The following CAMTA1 variants were observed in gnomAD, a reference collection of about 807,000 sequenced individuals.
The protein encoded by CAMTA1 is calmodulin binding transcription activator 1.
In CAMTA1, 27 loss-of-function variants were observed where a neutral mutation model predicts 170.9. The ratio of observed to expected loss-of-function variants is 0.16; its 90% confidence interval spans 0.12 to 0.22. The LOEUF is 0.22. Ranked by LOEUF, CAMTA1 falls within the 10% of genes least tolerant of loss-of-function variation. The pLI is 1.00. For missense variants in CAMTA1, 1,619 were observed against 2,217.2 expected (o/e 0.73, Z 5.42); for synonymous variants, 833 against 891.5 (o/e 0.93, Z 1.17).
At chr1:7,743,117 G>A (rs2096830328) in intron 16 of CAMTA1, among the ~76,000 whole-genome samples, 1 of 152,160 alleles carries the variant, frequency 6.6e-6, no homozygotes. Flanking sequence ...CCTCACAAAA[G>A]TGCTGAGATT....
intron 5 of CAMTA1, among the ~76,000 whole-genome samples, chr1:7,437,521 G>A (rs1176533231): frequency 6.6e-6 from 1 of 152,020 alleles, no homozygotes; most frequent in Non-Finnish European, 1.5e-5. Context: ...GCTGAATCAG[G>A]GCCCACCGAC....
intron 3 of CAMTA1, among the ~76,000 whole-genome samples, chr1:6,898,304 A>C (rs561534735): frequency 6.6e-6 from 1 of 152,322 alleles, no homozygotes; most frequent in African/African-American, 2.4e-5. Flanking sequence ...CTGTAATCTC[A>C]GCACTCTGGG....
intron 4 of CAMTA1, among the ~76,000 whole-genome samples, chr1:7,137,256 GAGTCTATCCCA>G (rs1199712598): frequency 6.6e-6 from 1 of 152,114 alleles, no homozygotes; most frequent in Admixed American, 6.5e-5. Flanking sequence ...GCTTTCACTA[GAGTCTATCCCA>G]CCCTCACCTT....
At chr1:6,867,795 CT>C (rs1004378339) in intron 3 of CAMTA1, among the ~76,000 whole-genome samples, 3 of 151,216 alleles carry the variant, frequency 2.0e-5, no homozygotes, top group Non-Finnish European at 4.4e-5. Flanking sequence ...GTAATCACCT[CT>C]TTTTTTTTCT....
At chr1:6,952,392 C>G (rs1250646041) in intron 3 of CAMTA1, among the ~76,000 whole-genome samples, 2 of 124,714 alleles carry the variant, frequency 1.6e-5, no homozygotes, top group East Asian at 4.8e-4. Flanking sequence ...GATTGCACCA[C>G]TGCACTCCAG....
intron 19 of CAMTA1, among the ~76,000 whole-genome samples, chr1:7,750,596 C>T (rs1168801601): frequency 2.0e-5 from 3 of 152,276 alleles, no homozygotes; most frequent in Non-Finnish European, 4.4e-5. Flanking sequence ...TCGTCCGCAG[C>T]TCTGTGACAG....
intron 5 of CAMTA1, among the ~76,000 whole-genome samples, chr1:7,310,636 CTTTCTTTCTTT>C (rs1458477789): frequency 0.085 from 2,354 of 27,670 alleles, 136 homozygotes; most frequent in African/African-American, 0.11. Context: ...TTCTTTCTTT[CTTTCTTTCTTT>C]TTTCTTTCTT....
intron 5 of CAMTA1, among the ~76,000 whole-genome samples, chr1:7,277,646 GT>G (rs1670930128): frequency 6.6e-6 from 1 of 151,912 alleles, no homozygotes; most frequent in Admixed American, 6.6e-5. Flanking sequence ...CTTCTTTATG[GT>G]TTGAAAATGA....
intron 1 of CAMTA1, among the ~76,000 whole-genome samples, chr1:6,804,207 A>G (rs1644245920): frequency 7.0e-6 from 1 of 143,302 alleles, no homozygotes; most frequent in African/African-American, 2.6e-5. Context: ...TGGTAAAGAC[A>G]GGGTCTCAAT....
At chr1:7,077,739 G>C (rs936425697) in intron 3 of CAMTA1, among the ~76,000 whole-genome samples, 1 of 152,118 alleles carries the variant, frequency 6.6e-6, no homozygotes, top group African/African-American at 2.4e-5. Context: ...AAACGTGGTT[G>C]CTCGGAGTTA....
intron 4 of CAMTA1, among the ~76,000 whole-genome samples, chr1:7,132,567 C>A (rs1645324974): frequency 6.6e-6 from 1 of 152,130 alleles, no homozygotes; most frequent in African/African-American, 2.4e-5. Context: ...TCTGTGAGGC[C>A]AGGGTTGGTG....
In CAMTA1 at chr1:7,732,478, G is replaced by A. The variant is rs990793983; in HGVS notation, c.2945G>A (p.Arg982Gln). 5.6e-6 allele frequency: 9 copies of A among 1,614,014 alleles called. No individual in the cohort carries two copies. The highest frequency in any genetic ancestry group is 6.8e-6 in the Non-Finnish European group (8 of 1,180,018). ...DNQFRMSILE[R>Q]LEQMERRMAE... is the part of the protein sequence containing the mutation. ...CAGTTCAGGATGTCCATCCTGGAAC[G>A]ACTGGAGCAGATGGAGAGGAGGATG... The change falls in exon 12 of 23, where the codon CGA (arginine) becomes CAA (glutamine). Residue 982 changes from arginine to glutamine, a missense_variant. Arg to Gln is a conservative substitution (Grantham distance 43). Coordinates refer to ENST00000303635, the MANE Select transcript of CAMTA1 (RefSeq NM_015215.4). The surrounding 1 kb of genome is among the most constrained non-coding windows in gnomAD (Gnocchi z 4.1).
rs184135906 is a variant in CAMTA1, at chr1:7,727,850, G to C, written c.2915-4598G>C. 2.0e-4 allele frequency among the ~76,000 whole-genome samples: 31 copies of C among 152,366 alleles called. No individual in the cohort carries two copies. In the East Asian group the frequency reaches 5.4e-3, roughly 27 times the overall value. On this transcript the variant is annotated intron_variant, in intron 11 of 22. Transcript: ENST00000303635. ...CCATCTAAGCCTTACAACCTCAAGA[G>C]CTGGGCCCTGGCCCCGTGCAGAGGA... is the stretch of plus-strand genomic sequence containing the variant.
chr1:7,744,075 C>T (rs1159735436), intron 16 of CAMTA1, among the ~76,000 whole-genome samples: 1 of 151,406 alleles, frequency 6.6e-6, no homozygotes, highest in Non-Finnish European at 1.5e-5. Flanking sequence ...GATCCGCCAG[C>T]CTTGGCCTCC....
chr1:7,755,422 C>A (rs901105785), intron 21 of CAMTA1, among the ~76,000 whole-genome samples: 2 of 151,480 alleles, frequency 1.3e-5, no homozygotes, highest in African/African-American at 4.9e-5. Flanking sequence ...TCAGAAGTAT[C>A]CCATTTCTAA....
intron 5 of CAMTA1, among the ~76,000 whole-genome samples, chr1:7,341,824 A>C (rs773373407): frequency 6.6e-6 from 1 of 152,226 alleles, no homozygotes; most frequent in Non-Finnish European, 1.5e-5. Flanking sequence ...ATGAGAATTA[A>C]GTTTCAGAAG....
intron 3 of CAMTA1, among the ~76,000 whole-genome samples, chr1:7,019,318 G>T (rs986364325): frequency 1.5e-5 from 2 of 131,152 alleles, no homozygotes; most frequent in South Asian, 2.7e-4. Flanking sequence ...CCTAGAAATA[G>T]GTTCCTTTGA....
chr1:7,745,122 AC>A, intron 17 of CAMTA1, 100 bp downstream of exon 17: 1 of 1,161,484 alleles, frequency 8.6e-7, no homozygotes, highest in Non-Finnish European at 1.2e-6. Context: ...GTCATAGAAG[AC>A]CATACCAAGG....
intron 4 of CAMTA1, among the ~76,000 whole-genome samples, chr1:7,204,124 C>T (rs1454584516): frequency 1.3e-5 from 2 of 152,052 alleles, no homozygotes; most frequent in Non-Finnish European, 2.9e-5. Flanking sequence ...AGGTGTGAGC[C>T]ACTGTGCCAG....
Sources: allele counts gnomAD v4.1 joint callset (sites outside exome capture counted in the v4.1 genomes callset), GRCh38; gene constraint gnomAD v4.1.1; non-coding constraint Gnocchi (gnomAD v3.1); transcripts MANE v1.5; gene names NCBI Gene and HGNC (gene_info 2026-07-23, HGNC 2026-07-21).